Variants in ANK2 observed in about 807,000 individuals in gnomAD.
ANK2 encodes the protein ankyrin-2.
Under a neutral mutation model 360.5 loss-of-function variants are expected in ANK2, and 83 were observed. The observed-to-expected ratio is 0.23, with a 90% CI of 0.19 to 0.28. The LOEUF (loss-of-function observed/expected upper bound fraction) is 0.28. Among genes scored for constraint, ANK2 ranks in the 10% least tolerant of loss-of-function variants. The pLI is 1.00. For synonymous variants in ANK2, 1,740 were observed against 1,759.5 expected, an observed-to-expected ratio of 0.99 and a Z score of 0.28; for missense variants, 4,201 against 4,795.7, an observed-to-expected ratio of 0.88 and a Z score of 3.66.
intron 4 of ANK2, among the ~76,000 whole-genome samples, chr4:113,209,575 G>A (rs1225057961): frequency 2.0e-5 from 3 of 152,008 alleles, no homozygotes; most frequent in East Asian, 3.8e-4. Context: ...AGAAAGGAAG[G>A]TGTTTATTGG....
intron 1 of ANK2, among the ~76,000 whole-genome samples, chr4:113,121,333 C>G (rs1483518919): frequency 1.3e-5 from 2 of 152,130 alleles, no homozygotes; most frequent in African/African-American, 2.4e-5. Flanking sequence ...AATATTATTT[C>G]TTGGTCTTGT....
At chr4:112,826,859 A>G in intron 1 of ANK2, 1 of 1,452,300 alleles carries the variant, frequency 6.9e-7, no homozygotes, top group Non-Finnish European at 9.6e-7. Flanking sequence ...TCAGGGATGA[A>G]GATGACATCA....
chr4:112,827,437 G>A (rs2058645347), intron 1 of ANK2: 1 of 1,386,442 alleles, frequency 7.2e-7, no homozygotes. Flanking sequence ...ACTTGGAAGT[G>A]AGGGCTTAAA....
chr4:113,241,525 C>T (rs550167871), intron 8 of ANK2, among the ~76,000 whole-genome samples: 13 of 152,144 alleles, frequency 8.5e-5, no homozygotes, highest in Admixed American at 5.2e-4. Context: ...TTTTTTGTAG[C>T]GATGAGGTCT....
Position 113,356,518 on chromosome 4 carries a change from G to A in ANK2, c.7900G>A (p.Val2634Met), listed in dbSNP as rs777442106. The stretch of plus-strand genomic sequence containing the variant: ...CCCAGATGCTGACTGTTCAGTAGAT[G>A]TGGATGAACCAAAACATACAGGCAG... Reference protein sequence around the residue: ...SDPDADCSVDVDEPKHTGSGE... With the variant: ...SDPDADCSVDMDEPKHTGSGE... Residue 2634 changes from valine to methionine, a missense_variant, in exon 38 of 46, where the codon GTG becomes ATG. Transcript: ENST00000357077. 7.4e-6 allele frequency: 12 copies of A among 1,614,056 alleles called. No homozygotes were observed. In the East Asian group the frequency reaches 2.5e-4, roughly 33 times the overall value.
chr4:112,806,163 A>G, the ANK2 span, among the ~76,000 whole-genome samples: 1 of 152,134 alleles, frequency 6.6e-6, no homozygotes, highest in Non-Finnish European at 1.5e-5. Context: ...TATTCTCTCT[A>G]AATATATTTT....
At chr4:113,181,194 G>A (rs2098403211) in intron 2 of ANK2, among the ~76,000 whole-genome samples, 2 of 152,108 alleles carry the variant, frequency 1.3e-5, no homozygotes, top group South Asian at 4.1e-4. Context: ...AAAAATGCTG[G>A]GAGTAGCTTC....
At chr4:112,710,299 G>A in the ANK2 span, among the ~76,000 whole-genome samples, 1 of 152,104 alleles carries the variant, frequency 6.6e-6, no homozygotes, top group Non-Finnish European at 1.5e-5. Context: ...GTTACTCCTA[G>A]CTATCTATAA....
At chr4:113,059,083 T>C (rs888063800) in intron 1 of ANK2, among the ~76,000 whole-genome samples, 2 of 152,138 alleles carry the variant, frequency 1.3e-5, no homozygotes, top group African/African-American at 4.8e-5. Context: ...TGGGCACTAA[T>C]TCCATTCATG....
intron 1 of ANK2, among the ~76,000 whole-genome samples, chr4:112,869,231 T>G (rs1293816194): frequency 6.6e-6 from 1 of 151,776 alleles, no homozygotes; most frequent in African/African-American, 2.4e-5. Context: ...GCCTCCCAAA[T>G]TGCTGGGATT....
intron 22 of ANK2, among the ~76,000 whole-genome samples, chr4:113,298,404 G>T (rs1462079638): frequency 6.6e-6 from 1 of 152,152 alleles, no homozygotes; most frequent in Non-Finnish European, 1.5e-5. Flanking sequence ...ATGCTGTGGT[G>T]GCTTAGGGAT....
intron 1 of ANK2, among the ~76,000 whole-genome samples, chr4:113,163,788 A>G (rs796426860): frequency 1.9e-5 from 2 of 106,046 alleles, no homozygotes; most frequent in African/African-American, 6.3e-5. Context: ...AAAAAAAAAA[A>G]AAAAGAAAAC....
chr4:113,379,162 T>A (rs183022216), intron 45 of ANK2, among the ~76,000 whole-genome samples: 3 of 152,220 alleles, frequency 2.0e-5, no homozygotes, highest in Non-Finnish European at 4.4e-5. Context: ...AAATGCTACA[T>A]GAATTAAGGA....
chr4:112,974,562 C>T (rs1421214270), intron 2 of ANK2, among the ~76,000 whole-genome samples: 1 of 152,182 alleles, frequency 6.6e-6, no homozygotes, highest in Non-Finnish European at 1.5e-5. Context: ...GCTGCTTCCT[C>T]CATCTTCCCA....
chr4:112,932,009 A>G (rs1020716674), intron 2 of ANK2, among the ~76,000 whole-genome samples: 11 of 152,210 alleles, frequency 7.2e-5, no homozygotes, highest in African/African-American at 2.4e-4. Flanking sequence ...TAGTGCTCCT[A>G]CTTTTAAGAA....
chr4:112,753,629 C>T, the ANK2 span, among the ~76,000 whole-genome samples: 3 of 152,120 alleles, frequency 2.0e-5, no homozygotes, highest in Non-Finnish European at 4.4e-5. Flanking sequence ...AGTGAAGAAG[C>T]CAGCCAAAAC....
At chr4:112,870,288 C>T (rs2072458296) in intron 1 of ANK2, among the ~76,000 whole-genome samples, 1 of 152,170 alleles carries the variant, frequency 6.6e-6, no homozygotes, top group Non-Finnish European at 1.5e-5. Flanking sequence ...GCCACCTCAC[C>T]TGGCCATATT....
intron 2 of ANK2, among the ~76,000 whole-genome samples, chr4:112,968,502 A>G (rs2038207596): frequency 6.6e-6 from 1 of 152,184 alleles, no homozygotes; most frequent in Non-Finnish European, 1.5e-5. Flanking sequence ...TGGTAAATTT[A>G]TCCTGCCACC....
intron 2 of ANK2, among the ~76,000 whole-genome samples, chr4:112,945,944 C>T (rs2094516861): frequency 6.6e-6 from 1 of 152,138 alleles, no homozygotes; most frequent in Non-Finnish European, 1.5e-5. Flanking sequence ...AATACCTGAA[C>T]CCGGGGTGGT....
Sources: gnomAD v4.1 joint callset for allele counts (sites outside exome capture counted in the v4.1 genomes callset) on GRCh38, gnomAD v4.1.1 for gene constraint, MANE v1.5 for transcripts, NCBI Gene and HGNC (gene_info 2026-07-23, HGNC 2026-07-21) for gene names.